ARHGEF3: variants seen among roughly 807,000 people sequenced by gnomAD.
ARHGEF3 encodes the protein Rho guanine nucleotide exchange factor 3.
In ARHGEF3, 28 loss-of-function variants were observed where a neutral mutation model predicts 63.2. The observed-to-expected ratio is 0.44, with a 90% CI of 0.33 to 0.61. ARHGEF3 has a LOEUF of 0.61. ARHGEF3 is among the 20% of genes least tolerant of loss of function. The pLI, the probability that ARHGEF3 is intolerant of heterozygous loss-of-function variation, is 0.03. For missense variants in ARHGEF3, 533 were observed against 659.3 expected, an observed-to-expected ratio of 0.81 and a Z score of 2.10; for synonymous variants, 266 against 254.2, an observed-to-expected ratio of 1.05 and a Z score of -0.44.
At chr3:57,017,005 GTCTCTC>G (rs370663400) in intron 2 of ARHGEF3, among the ~76,000 whole-genome samples, 18 of 129,132 alleles carry the variant, frequency 1.4e-4, no homozygotes, top group Middle Eastern at 7.6e-3. Context: ...CTTTCTCTCT[GTCTCTC>G]TCTCTCTCTC....
intron 4 of ARHGEF3, among the ~76,000 whole-genome samples, chr3:56,851,206 A>G (rs1266700307): frequency 6.6e-6 from 1 of 151,964 alleles, no homozygotes; most frequent in South Asian, 2.1e-4. Flanking sequence ...AGCTCTAGTT[A>G]AGGACAAAAG....
intron 3 of ARHGEF3, among the ~76,000 whole-genome samples, chr3:56,926,181 T>C (rs149159990): frequency 7.9e-5 from 12 of 152,090 alleles, no homozygotes; most frequent in Non-Finnish European, 1.8e-4. Flanking sequence ...GTCAGTGATG[T>C]ATAGGAGTTG....
intron 3 of ARHGEF3, among the ~76,000 whole-genome samples, chr3:56,899,335 A>G (rs2041427898): frequency 6.6e-6 from 1 of 152,226 alleles, no homozygotes; most frequent in African/African-American, 2.4e-5. Context: ...ACATAACAAG[A>G]AAGTTATTAC....
chr3:56,750,670 GTTT>G (rs79472923), intron 6 of ARHGEF3, among the ~76,000 whole-genome samples: 2 of 109,890 alleles, frequency 1.8e-5, no homozygotes, highest in Admixed American at 9.0e-5. Context: ...AGCATGACAA[GTTT>G]TTTTTTTTTT....
intron 3 of ARHGEF3, among the ~76,000 whole-genome samples, chr3:56,927,643 C>T (rs1282318445): frequency 1.3e-5 from 2 of 152,068 alleles, no homozygotes; most frequent in Non-Finnish European, 2.9e-5. Flanking sequence ...TGCAGTATTT[C>T]CAACCACCTG....
intron 1 of ARHGEF3, among the ~76,000 whole-genome samples, chr3:56,789,078 A>G (rs1284607752): frequency 6.7e-6 from 1 of 149,740 alleles, no homozygotes; most frequent in Admixed American, 6.7e-5. Context: ...CTAATGACCT[A>G]TTAAGTACTT....
intron 4 of ARHGEF3, among the ~76,000 whole-genome samples, chr3:56,855,481 C>A (rs2039838652): frequency 6.6e-6 from 1 of 151,642 alleles, no homozygotes; most frequent in Admixed American, 6.6e-5. Context: ...GTCAGGAGTT[C>A]AAGACCAGCC....
chr3:56,906,697 G>A lies in ARHGEF3; in HGVS notation c.130-24343C>T, dbSNP rs184543179. On this transcript the variant is annotated intron_variant, in intron 3 of 12. Coordinates refer to the ARHGEF3 transcript ENST00000338458. ...CTAAAAATACAAAAATTAGCTGGGC[G>A]TGGTGGCAGGCCCCTGTAATCCCAG... Among the ~76,000 whole-genome samples the A allele has an allele frequency of 6.5e-3, 993 of 151,928 alleles. 6 individuals are homozygous for A. The highest frequency in any genetic ancestry group is 0.023 in the African/African-American group (947 of 41,450).
chr3:56,796,680 G>A (rs1470891400), intron 1 of ARHGEF3, among the ~76,000 whole-genome samples: 1 of 152,202 alleles, frequency 6.6e-6, no homozygotes, highest in Non-Finnish European at 1.5e-5. Flanking sequence ...CACGTGTTAT[G>A]AGGTGAGAAG....
At chr3:56,756,707 G>A (rs1385937107) in intron 2 of ARHGEF3, among the ~76,000 whole-genome samples, 2 of 151,794 alleles carry the variant, frequency 1.3e-5, no homozygotes, top group Non-Finnish European at 2.9e-5. Context: ...CCGCCACCAC[G>A]CCCGGCTAAT....
intron 2 of ARHGEF3, among the ~76,000 whole-genome samples, chr3:56,765,501 C>A (rs1181258657): frequency 1.3e-5 from 2 of 152,158 alleles, no homozygotes; most frequent in Non-Finnish European, 2.9e-5. Flanking sequence ...GACCTTGGAC[C>A]AAGGGACAAA....
At chr3:56,866,402 G>A (rs992024170) in intron 4 of ARHGEF3, among the ~76,000 whole-genome samples, 25 of 152,130 alleles carry the variant, frequency 1.6e-4, no homozygotes, top group African/African-American at 3.6e-4. Flanking sequence ...TAGTATGACC[G>A]GTGCCCTGCG....
chr3:56,732,477 TGATATGTGGACCTCTGTG>T, intron 8 of ARHGEF3, 53 bp from the exon 9 acceptor site: 1 of 1,594,290 alleles, frequency 6.3e-7, no homozygotes, highest in Non-Finnish European at 8.6e-7. Context: ...AATGAGTGGT[TGATATGTGGACCTCTGTG>T]GATAAAGAGG....
intron 8 of ARHGEF3, among the ~76,000 whole-genome samples, chr3:56,734,112 C>CA (rs1448129344): frequency 3.3e-5 from 5 of 150,814 alleles, no homozygotes; most frequent in Non-Finnish European, 7.4e-5. Context: ...AAGAAAATTG[C>CA]AAAAATGAAG....
intron 3 of ARHGEF3, among the ~76,000 whole-genome samples, chr3:56,900,072 G>T (rs1047848029): frequency 3.9e-5 from 6 of 152,156 alleles, no homozygotes; most frequent in Admixed American, 1.3e-4. Flanking sequence ...GGAGTGAACG[G>T]GAAGTGAAGG....
At chr3:56,953,625 A>ACCCC (rs1699912617) in intron 3 of ARHGEF3, among the ~76,000 whole-genome samples, 1 of 152,152 alleles carries the variant, frequency 6.6e-6, no homozygotes, top group Admixed American at 6.5e-5. Context: ...AGGCCTGTCT[A>ACCCC]ATCAAAGTAC....
intron 6 of ARHGEF3, among the ~76,000 whole-genome samples, chr3:56,747,253 T>C (rs553372154): frequency 2.6e-5 from 4 of 152,258 alleles, no homozygotes; most frequent in Admixed American, 6.5e-5. Context: ...GCAGTAACCA[T>C]TGGATGTAAA....
intron 2 of ARHGEF3, among the ~76,000 whole-genome samples, chr3:56,756,868 C>G (rs2035104661): frequency 6.6e-6 from 1 of 152,126 alleles, no homozygotes; most frequent in Non-Finnish European, 1.5e-5. Flanking sequence ...TAACTCTTAA[C>G]TGCCCTCGGG....
At chr3:56,877,538 AT>A (rs989816796) in intron 4 of ARHGEF3, among the ~76,000 whole-genome samples, 4 of 151,916 alleles carry the variant, frequency 2.6e-5, no homozygotes, top group Non-Finnish European at 5.9e-5. Flanking sequence ...TACCTGGCTA[AT>A]TTTTTATTTT....
Sources: allele counts gnomAD v4.1 joint callset (sites outside exome capture counted in the v4.1 genomes callset), GRCh38; gene constraint gnomAD v4.1.1; transcripts MANE v1.5; gene names NCBI Gene and HGNC (gene_info 2026-07-23, HGNC 2026-07-21).